SPOCK1: variants seen among roughly 807,000 people sequenced by gnomAD.
SPOCK1 encodes testican-1.
A neutral mutation model predicts 55.3 loss-of-function variants in SPOCK1; 23 were observed. The observed-to-expected ratio is 0.42, with a 90% confidence interval of 0.30 to 0.59. SPOCK1 has a LOEUF of 0.59. Among genes scored for constraint, SPOCK1 ranks in the 20% least tolerant of loss-of-function variants. SPOCK1 has a pLI of 0.22. For synonymous variants in SPOCK1, 226 were observed against 221.0 expected, an observed-to-expected ratio of 1.02 and a Z score of -0.20; for missense variants, 499 against 552.5, an observed-to-expected ratio of 0.90 and a Z score of 0.97.
intron 3 of SPOCK1, among the ~76,000 whole-genome samples, chr5:137,165,725 T>C (rs1456382903): frequency 3.3e-5 from 5 of 152,104 alleles, no homozygotes; most frequent in Non-Finnish European, 7.4e-5. Flanking sequence ...TGAAATAATT[T>C]AAAAGAATCA....
chr5:137,494,012 G>GAATT (rs1260817431), intron 2 of SPOCK1, among the ~76,000 whole-genome samples: 3 of 152,124 alleles, frequency 2.0e-5, no homozygotes, highest in African/African-American at 7.2e-5. Flanking sequence ...GCTCTTATTA[G>GAATT]AATTACACAC....
chr5:137,033,648 C>T (rs1386102308), intron 6 of SPOCK1, among the ~76,000 whole-genome samples: 3 of 152,222 alleles, frequency 2.0e-5, no homozygotes, highest in Non-Finnish European at 2.9e-5. Flanking sequence ...GGTGTCATTT[C>T]CTAATGGAAG....
chr5:137,160,903 G>A (rs548306964), intron 3 of SPOCK1, among the ~76,000 whole-genome samples: 125 of 145,324 alleles, frequency 8.6e-4, no homozygotes, highest in African/African-American at 2.9e-3. Context: ...GTCATTATTC[G>A]AAAAAGATAC....
At chr5:137,374,273 C>T (rs1751265104) in intron 2 of SPOCK1, among the ~76,000 whole-genome samples, 1 of 152,250 alleles carries the variant, frequency 6.6e-6, no homozygotes, top group Admixed American at 6.5e-5. Flanking sequence ...ACATCATAAC[C>T]TCTTTCTGGA....
chr5:137,335,065 A>T (rs1750218257), intron 2 of SPOCK1, among the ~76,000 whole-genome samples: 2 of 152,238 alleles, frequency 1.3e-5, no homozygotes. Context: ...TTAGGGTACA[A>T]GTGAGATCTC....
intron 2 of SPOCK1, among the ~76,000 whole-genome samples, chr5:137,483,359 T>C (rs919675486): frequency 6.6e-6 from 1 of 152,082 alleles, no homozygotes; most frequent in African/African-American, 2.4e-5. Context: ...TAAAAAGTAA[T>C]GTATTTGTTC....
chr5:137,019,065 T>C (rs1312209810), intron 6 of SPOCK1, among the ~76,000 whole-genome samples: 1 of 152,162 alleles, frequency 6.6e-6, no homozygotes, highest in Non-Finnish European at 1.5e-5. Flanking sequence ...AATACTATAG[T>C]ATGCTTACAA....
intron 2 of SPOCK1, among the ~76,000 whole-genome samples, chr5:137,414,414 T>C (rs1001875416): frequency 6.6e-6 from 1 of 152,236 alleles, no homozygotes; most frequent in South Asian, 2.1e-4. Context: ...TATTTGTTAA[T>C]TTATGTGCTG....
At chr5:137,009,569 G>A (rs1751312875) in intron 6 of SPOCK1, among the ~76,000 whole-genome samples, 1 of 152,194 alleles carries the variant, frequency 6.6e-6, no homozygotes, top group African/African-American at 2.4e-5. Flanking sequence ...AGGCAGTGCA[G>A]GGTAGTAGCC....
At chr5:137,111,682 C>T (rs1159616340) in intron 5 of SPOCK1, among the ~76,000 whole-genome samples, 1 of 152,166 alleles carries the variant, frequency 6.6e-6, no homozygotes, top group Non-Finnish European at 1.5e-5. Flanking sequence ...TTATCACCTC[C>T]TTTCTCTACT....
intron 3 of SPOCK1, among the ~76,000 whole-genome samples, chr5:137,191,325 ATCT>A (rs1308249651): frequency 2.0e-5 from 3 of 151,898 alleles, no homozygotes; most frequent in Non-Finnish European, 4.4e-5. Flanking sequence ...TATCTAACTA[ATCT>A]TCTCCATTCT....
chr5:137,119,665 C>T (rs1753651685), intron 4 of SPOCK1, among the ~76,000 whole-genome samples: 1 of 152,212 alleles, frequency 6.6e-6, no homozygotes, highest in Non-Finnish European at 1.5e-5. Flanking sequence ...CTCCTGTGTG[C>T]CTGAGGGTGT....
intron 2 of SPOCK1, among the ~76,000 whole-genome samples, chr5:137,318,230 C>T (rs1325634266): frequency 2.0e-5 from 3 of 152,142 alleles, no homozygotes. Context: ...CCCCCGCTGC[C>T]TCCACAGTAA....
intron 2 of SPOCK1, among the ~76,000 whole-genome samples, chr5:137,353,813 T>C (rs112100513): frequency 0.022 from 3,306 of 152,228 alleles, 124 homozygotes; most frequent in African/African-American, 0.075. Context: ...TCTTCAATTT[T>C]CTGTCCCCAG....
intron 2 of SPOCK1, among the ~76,000 whole-genome samples, chr5:137,480,195 C>T (rs763287867): frequency 6.6e-6 from 1 of 151,982 alleles, no homozygotes; most frequent in Non-Finnish European, 1.5e-5. Context: ...TGTTTATTTC[C>T]CGAACTGAAA....
At chr5:137,388,020 A>T (rs1483256672) in intron 2 of SPOCK1, among the ~76,000 whole-genome samples, 1 of 152,204 alleles carries the variant, frequency 6.6e-6, no homozygotes, top group African/African-American at 2.4e-5. Context: ...AATAGAATCC[A>T]GGTTTCCCAT....
chr5:137,197,079 C>T (rs1270330667), intron 3 of SPOCK1, among the ~76,000 whole-genome samples: 1 of 152,204 alleles, frequency 6.6e-6, no homozygotes, highest in African/African-American at 2.4e-5. Context: ...CTTGACAACA[C>T]GATCAGGATC....
chr5:137,086,532 G>T (rs1752963820), intron 5 of SPOCK1, among the ~76,000 whole-genome samples: 1 of 152,182 alleles, frequency 6.6e-6, no homozygotes, highest in African/African-American at 2.4e-5. Context: ...ATCGTGTACA[G>T]AACCCAAATT....
intron 3 of SPOCK1, among the ~76,000 whole-genome samples, chr5:137,208,549 T>G (rs1421985913): frequency 6.6e-6 from 1 of 152,170 alleles, no homozygotes; most frequent in Non-Finnish European, 1.5e-5. Context: ...AAATCACATA[T>G]TTTGCAGCAA....
Sources: allele counts gnomAD v4.1 joint callset (sites outside exome capture counted in the v4.1 genomes callset), GRCh38; gene constraint gnomAD v4.1.1; transcripts MANE v1.5; gene names NCBI Gene and HGNC (gene_info 2026-07-23, HGNC 2026-07-21).